MAGI2: variants seen among roughly 807,000 people sequenced by gnomAD.
MAGI2 encodes membrane-associated guanylate kinase, WW and PDZ domain-containing protein 2.
In MAGI2, 35 loss-of-function variants were observed where a neutral mutation model predicts 133.3. The ratio of observed to expected loss-of-function variants is 0.26; its 90% confidence interval spans 0.20 to 0.35. The LOEUF is 0.35. Ranked by LOEUF, MAGI2 falls within the 10% of genes least tolerant of loss-of-function variation. The probability of loss-of-function intolerance (pLI) is 1.00; values close to 1 mark genes in which losing one functional copy is unlikely to be tolerated. For synonymous variants in MAGI2, 729 were observed against 710.6 expected, an observed-to-expected ratio of 1.03 and a Z score of -0.41; for missense variants, 1,636 against 1,863.4, an observed-to-expected ratio of 0.88 and a Z score of 2.25.
intron 2 of MAGI2, among the ~76,000 whole-genome samples, chr7:78,665,707 A>G (rs1379528852): frequency 6.6e-6 from 1 of 152,174 alleles, no homozygotes; most frequent in African/African-American, 2.4e-5. Context: ...ATAGAGGAGA[A>G]AAAAGAAACC....
chr7:78,368,852 AT>A (rs1793641818), intron 7 of MAGI2, among the ~76,000 whole-genome samples: 1 of 152,188 alleles, frequency 6.6e-6, no homozygotes, highest in Admixed American at 6.5e-5. Context: ...AGCTCCCAAC[AT>A]TTTGATTGCA....
At chr7:78,079,172 T>A in intron 20 of MAGI2, 87 bp from the exon 21 acceptor site, 1 of 1,331,026 alleles carries the variant, frequency 7.5e-7, no homozygotes, top group African/African-American at 1.5e-5. Flanking sequence ...CATGTCTAGA[T>A]GACCTGAGAG....
intron 2 of MAGI2, among the ~76,000 whole-genome samples, chr7:78,746,109 G>A (rs1463002839): frequency 6.6e-6 from 1 of 152,144 alleles, no homozygotes; most frequent in Non-Finnish European, 1.5e-5. Flanking sequence ...AAGACTATGA[G>A]CTTCACTTTG....
chr7:78,423,757 G>A (rs565126867), intron 6 of MAGI2, among the ~76,000 whole-genome samples: 14 of 152,206 alleles, frequency 9.2e-5, no homozygotes, highest in East Asian at 5.8e-4. Context: ...AGAGACTGCC[G>A]GCATTTTGGC....
At chr7:78,285,632 A>G (rs1046166400) in intron 9 of MAGI2, 2 of 152,154 alleles carry the variant, frequency 1.3e-5, no homozygotes, top group African/African-American at 4.8e-5. Context: ...TCTCACTCCT[A>G]ACCATTACCT....
At chr7:78,860,700 C>A (rs1014929915) in intron 2 of MAGI2, among the ~76,000 whole-genome samples, 7 of 152,116 alleles carry the variant, frequency 4.6e-5, no homozygotes, top group Non-Finnish European at 1.0e-4. Context: ...TCTGGCACCC[C>A]CTTGAGGAGG....
At chr7:78,224,694 ATTTTTTT>A (rs566236945) in intron 10 of MAGI2, among the ~76,000 whole-genome samples, 1 of 142,324 alleles carries the variant, frequency 7.0e-6, no homozygotes, top group African/African-American at 2.6e-5. Flanking sequence ...AACAACGTAA[ATTTTTTT>A]TTTTTTTTTT....
chr7:78,841,159 C>CT (rs1367880161), intron 2 of MAGI2, among the ~76,000 whole-genome samples: 1 of 152,038 alleles, frequency 6.6e-6, no homozygotes, highest in African/African-American at 2.4e-5. Context: ...CACTCACTGT[C>CT]TCTAGTTCCA....
At chr7:79,444,950 C>T (rs1007006129) in intron 1 of MAGI2, among the ~76,000 whole-genome samples, 1 of 152,178 alleles carries the variant, frequency 6.6e-6, no homozygotes, top group African/African-American at 2.4e-5. Flanking sequence ...CAGCATGGTA[C>T]TGGTACCAAA....
intron 6 of MAGI2, among the ~76,000 whole-genome samples, chr7:78,385,993 A>AG (rs5885052): frequency 0.86 from 130,358 of 152,002 alleles, 56,271 homozygotes; most frequent in African/African-American, 0.95. Context: ...ACAGAGCAAA[A>AG]CTTCCCCCCC....
At chr7:78,614,211 T>C (rs1806809250) in intron 3 of MAGI2, among the ~76,000 whole-genome samples, 1 of 149,286 alleles carries the variant, frequency 6.7e-6, no homozygotes. Context: ...ACTAAAAACA[T>C]AGGCTTTGAA....
chr7:78,840,321 A>T (rs1792020947), intron 2 of MAGI2, among the ~76,000 whole-genome samples: 1 of 152,108 alleles, frequency 6.6e-6, no homozygotes, highest in African/African-American at 2.4e-5. Flanking sequence ...AGGAATACTC[A>T]TACAATACGT....
chr7:79,170,867 G>C (rs769000521), intron 1 of MAGI2, among the ~76,000 whole-genome samples: 2 of 152,048 alleles, frequency 1.3e-5, no homozygotes, highest in Non-Finnish European at 2.9e-5. Context: ...CTTAAAATGA[G>C]AATAATAGAG....
intron 14 of MAGI2, among the ~76,000 whole-genome samples, chr7:78,174,800 C>T (rs2150669709): frequency 6.6e-6 from 1 of 152,252 alleles, no homozygotes; most frequent in Admixed American, 6.5e-5. Flanking sequence ...ATCAGCCTGG[C>T]CTCTGAGGAA....
intron 2 of MAGI2, among the ~76,000 whole-genome samples, chr7:78,735,385 A>T (rs1821751225): frequency 6.6e-6 from 1 of 152,206 alleles, no homozygotes; most frequent in African/African-American, 2.4e-5. Flanking sequence ...AACAACAGTA[A>T]CAGCTAACTG....
At chr7:78,029,467 A>G (rs1334071321) in intron 21 of MAGI2, among the ~76,000 whole-genome samples, 1 of 152,246 alleles carries the variant, frequency 6.6e-6, no homozygotes, top group African/African-American at 2.4e-5. Flanking sequence ...TTAGAAAGCA[A>G]CACATCCTCC....
intron 1 of MAGI2, among the ~76,000 whole-genome samples, chr7:79,442,451 A>AGAGTGT (rs1554485818): frequency 1.4e-5 from 2 of 145,222 alleles, no homozygotes; most frequent in African/African-American, 5.1e-5. Context: ...GTGTTTGAAG[A>AGAGTGT]GTGTGTGTGT....
chr7:79,262,135 A>G lies in MAGI2; in HGVS notation c.301+190885T>C, dbSNP rs191456025. ...GCTTTAAAATACCTGTCTGTAAACCAGATTCCCAAACCTTTCTTTATCTCT... is the reference window on the plus strand; with the variant it reads ...GCTTTAAAATACCTGTCTGTAAACCGGATTCCCAAACCTTTCTTTATCTCT... On this transcript the variant is annotated intron_variant, in intron 1 of 21. Transcript: ENST00000354212. 4.4e-3 allele frequency among the ~76,000 whole-genome samples: 663 copies of G among 152,332 alleles called. 1 individual carries two copies. The highest frequency in any genetic ancestry group is 5.3e-3 in the Non-Finnish European group (359 of 68,022).
intron 5 of MAGI2, chr7:78,490,045 AAGC>A: frequency 2.1e-6 from 1 of 481,162 alleles, no homozygotes; most frequent in Non-Finnish European, 3.7e-6. Context: ...CCTGTCCTCA[AAGC>A]AGCTATTTTT....
Sources: allele counts gnomAD v4.1 joint callset (sites outside exome capture counted in the v4.1 genomes callset), GRCh38; gene constraint gnomAD v4.1.1; transcripts MANE v1.5; gene names NCBI Gene and HGNC (gene_info 2026-07-23, HGNC 2026-07-21).